The following MAGI2 variants were observed in gnomAD, a reference collection of about 807,000 sequenced individuals.
MAGI2 encodes membrane-associated guanylate kinase, WW and PDZ domain-containing protein 2.
MAGI2 carries 35 observed loss-of-function variants against 133.3 expected under a neutral mutation model. The ratio of observed to expected loss-of-function variants is 0.26; its 90% CI spans 0.20 to 0.35. MAGI2 has a LOEUF of 0.35. MAGI2 is among the 10% of genes least tolerant of loss of function. The probability of loss-of-function intolerance (pLI) is 1.00; values close to 1 mark genes in which losing one functional copy is unlikely to be tolerated. For missense variants in MAGI2, 1,636 were observed against 1,863.4 expected (o/e 0.88, Z 2.25); for synonymous variants, 729 against 710.6 (o/e 1.03, Z -0.41).
intron 3 of MAGI2, among the ~76,000 whole-genome samples, chr7:78,530,325 C>T (rs1191215875): frequency 6.6e-6 from 1 of 152,224 alleles, no homozygotes; most frequent in Non-Finnish European, 1.5e-5. Context: ...GTCTTAGCAA[C>T]ACTCTCTCAT....
chr7:78,690,635 A>G (rs1563359537), intron 2 of MAGI2, among the ~76,000 whole-genome samples: 6 of 152,196 alleles, frequency 3.9e-5, no homozygotes. Flanking sequence ...TGAATATAGG[A>G]ATTACTCATG....
chr7:79,148,828 T>C (rs1822897167), intron 1 of MAGI2, among the ~76,000 whole-genome samples: 1 of 149,198 alleles, frequency 6.7e-6, no homozygotes, highest in South Asian at 2.1e-4. Context: ...CATATATATA[T>C]ATACACATAT....
At chr7:78,940,768 T>G (rs559154723) in intron 2 of MAGI2, 1 of 152,280 alleles carries the variant, frequency 6.6e-6, no homozygotes, top group African/African-American at 2.4e-5. Context: ...TTAAGCCACA[T>G]GAAGGGGAAG....
At chr7:78,750,181 T>C (rs868779671) in intron 2 of MAGI2, among the ~76,000 whole-genome samples, 2 of 152,176 alleles carry the variant, frequency 1.3e-5, no homozygotes, top group South Asian at 4.1e-4. Context: ...GGTTTCCAGC[T>C]TCATATATGT....
chr7:78,618,787 T>C (rs914369767), intron 3 of MAGI2: 4 of 151,782 alleles, frequency 2.6e-5, no homozygotes, highest in Admixed American at 2.0e-4. Flanking sequence ...AAATACGACA[T>C]GATTTCACTT....
intron 7 of MAGI2, among the ~76,000 whole-genome samples, chr7:78,365,018 A>G (rs1793230273): frequency 6.6e-6 from 1 of 152,234 alleles, no homozygotes. Flanking sequence ...TAAAATTTAA[A>G]AAGATGTTGA....
intron 7 of MAGI2, among the ~76,000 whole-genome samples, chr7:78,367,834 G>A (rs1793536150): frequency 6.6e-6 from 1 of 152,138 alleles, no homozygotes; most frequent in Non-Finnish European, 1.5e-5. Flanking sequence ...CCGTAACTAT[G>A]TTATTTAAAA....
At position 79,303,480 on chromosome 7, in the gene MAGI2, A is replaced by G. The variant is rs534390960; in HGVS notation, c.301+149540T>C. Among the ~76,000 whole-genome samples, 6 of 152,326 alleles carry G rather than the reference A, an allele frequency of 3.9e-5. No homozygotes were observed. The South Asian group carries it at 1.2e-3, about 32-fold the overall frequency. The stretch of plus-strand genomic sequence containing the variant: ...CTTTGAAAACAATCATCTGTGCCAA[A>G]GTGTTTTCATCAATCTAAGCTTATT... On this transcript the variant is annotated intron_variant, in intron 1 of 21. Coordinates refer to ENST00000354212, the MANE Select transcript of MAGI2 (RefSeq NM_012301.4).
At chr7:78,714,672 C>A (rs185415253) in intron 2 of MAGI2, among the ~76,000 whole-genome samples, 1 of 152,132 alleles carries the variant, frequency 6.6e-6, no homozygotes, top group African/African-American at 2.4e-5. Context: ...CATGCACTGT[C>A]AGCAAATAGC....
At chr7:79,308,405 G>A (rs1837993028) in intron 1 of MAGI2, among the ~76,000 whole-genome samples, 1 of 152,074 alleles carries the variant, frequency 6.6e-6, no homozygotes, top group Non-Finnish European at 1.5e-5. Flanking sequence ...GCCCTCTGGT[G>A]CAATCTTTGG....
At chr7:78,381,397 C>G (rs1443841937) in intron 6 of MAGI2, among the ~76,000 whole-genome samples, 2 of 151,900 alleles carry the variant, frequency 1.3e-5, no homozygotes, top group East Asian at 3.9e-4. Context: ...GGGGTAAATT[C>G]CTTTATAATC....
At chr7:78,288,288 A>C (rs1326278597) in intron 9 of MAGI2, among the ~76,000 whole-genome samples, 2 of 152,134 alleles carry the variant, frequency 1.3e-5, no homozygotes, top group East Asian at 3.8e-4. Flanking sequence ...ATAATATTTA[A>C]ATAATAAAAT....
At chr7:78,562,061 A>G (rs1800464092) in intron 3 of MAGI2, among the ~76,000 whole-genome samples, 1 of 152,148 alleles carries the variant, frequency 6.6e-6, no homozygotes, top group Non-Finnish European at 1.5e-5. Context: ...ATTAGGGTAC[A>G]TGCTTCCATG....
intron 1 of MAGI2, among the ~76,000 whole-genome samples, chr7:79,031,118 T>G (rs1018881035): frequency 1.3e-5 from 2 of 152,206 alleles, no homozygotes; most frequent in Admixed American, 1.3e-4. Context: ...ATCCATCCCT[T>G]ACTCTTGTTA....
At chr7:79,398,150 G>A (rs1312973427) in intron 1 of MAGI2, among the ~76,000 whole-genome samples, 1 of 152,134 alleles carries the variant, frequency 6.6e-6, no homozygotes, top group Non-Finnish European at 1.5e-5. Context: ...TATTTTCCAA[G>A]CTCTTCTGCT....
At chr7:78,931,170 T>C (rs1388997639) in intron 2 of MAGI2, among the ~76,000 whole-genome samples, 1 of 152,090 alleles carries the variant, frequency 6.6e-6, no homozygotes. Context: ...AGGATGGCTA[T>C]GAGTGAAGAG....
intron 6 of MAGI2, among the ~76,000 whole-genome samples, chr7:78,403,658 C>A (rs1797109826): frequency 6.6e-6 from 1 of 151,950 alleles, no homozygotes; most frequent in Admixed American, 6.6e-5. Flanking sequence ...CTCTGCAGCA[C>A]CTGTTGTTTC....
intron 2 of MAGI2, among the ~76,000 whole-genome samples, chr7:78,763,950 T>C (rs1211104761): frequency 6.6e-6 from 1 of 152,168 alleles, no homozygotes; most frequent in Non-Finnish European, 1.5e-5. Flanking sequence ...TTTTCAGGGT[T>C]CTCAACAGAG....
intron 3 of MAGI2, among the ~76,000 whole-genome samples, chr7:78,624,911 C>G (rs1040598435): frequency 6.6e-6 from 1 of 151,998 alleles, no homozygotes; most frequent in African/African-American, 2.4e-5. Flanking sequence ...TGTATTCCTT[C>G]TACTTATTAA....
Sources: allele counts gnomAD v4.1 joint callset (sites outside exome capture counted in the v4.1 genomes callset), GRCh38; gene constraint gnomAD v4.1.1; transcripts MANE v1.5; gene names NCBI Gene and HGNC (gene_info 2026-07-23, HGNC 2026-07-21).